The following ANKRD18B variants were observed in gnomAD, a reference collection of about 807,000 sequenced individuals.
ANKRD18B encodes the protein ankyrin repeat domain 18B.
Under a neutral mutation model 111.8 loss-of-function variants are expected in ANKRD18B, and 75 were observed. That is an observed-to-expected ratio of 0.67 (90% CI 0.56 to 0.81). The LOEUF (loss-of-function observed/expected upper bound fraction) is 0.81, where lower values mean the gene tolerates loss of function less well. Among genes scored for constraint, ANKRD18B ranks in the 40% least tolerant of loss-of-function variants. ANKRD18B has a pLI of 0.00. For synonymous variants in ANKRD18B, 356 were observed against 417.3 expected (o/e 0.85, Z 1.79); for missense variants, 1,038 against 1,225.5 (o/e 0.85, Z 2.28).
At chr9:33,545,234 G>A (rs1456790847) in intron 10 of ANKRD18B, among the ~76,000 whole-genome samples, 1 of 152,162 alleles carries the variant, frequency 6.6e-6, no homozygotes. Flanking sequence ...AAAGAGAATT[G>A]TTGTAATGAT....
Position 33,572,299 on chromosome 9 carries a change from T to G in ANKRD18B, c.3224-17T>G. Reference sequence around the variant, plus strand: ...ATGTTTTAGGTAAAGAACATAATCCTTTCTTTTTCTTTCCAGCTTTTGCTG... The same window carrying G: ...ATGTTTTAGGTAAAGAACATAATCCGTTCTTTTTCTTTCCAGCTTTTGCTG... On this transcript the variant is annotated splice_polypyrimidine_tract_variant and intron_variant, in intron 18 of 18. Coordinates refer to ENST00000684830, the MANE Select transcript of ANKRD18B (RefSeq NM_001393611.1). The G allele has an allele frequency of 1.3e-6, 2 of 1,588,378 alleles. No individual in the cohort carries two copies. Among genetic ancestry groups the G allele is most frequent in the Non-Finnish European group, 1.7e-6 (2 of 1,159,074 alleles).
chr9:33,527,483 A>T (rs1251934288), intron 1 of ANKRD18B, among the ~76,000 whole-genome samples: 3 of 152,004 alleles, frequency 2.0e-5, no homozygotes, highest in Admixed American at 1.3e-4. Context: ...CACCACGCCC[A>T]GCTAATTTTT....
intron 1 of ANKRD18B, among the ~76,000 whole-genome samples, chr9:33,526,659 G>T (rs565500826): frequency 2.0e-5 from 3 of 152,186 alleles, no homozygotes; most frequent in African/African-American, 7.2e-5. Flanking sequence ...TATCATTATT[G>T]TGAGGGTTGT....
chr9:33,547,012 C>A (rs867509381), intron 10 of ANKRD18B, among the ~76,000 whole-genome samples: 1 of 151,870 alleles, frequency 6.6e-6, no homozygotes, highest in African/African-American at 2.4e-5. Context: ...ATCCCAGGAA[C>A]CAAATGAAAA....
At chr9:33,535,325 G>T (rs151029589) in intron 5 of ANKRD18B, among the ~76,000 whole-genome samples, 1 of 151,684 alleles carries the variant, frequency 6.6e-6, no homozygotes. Context: ...TTGCTCAGTC[G>T]CCCAGGCTGG....
At chr9:33,569,888 G>A (rs1253645780) in intron 17 of ANKRD18B, among the ~76,000 whole-genome samples, 1 of 152,072 alleles carries the variant, frequency 6.6e-6, no homozygotes, top group Non-Finnish European at 1.5e-5. Flanking sequence ...ACAAAAATTA[G>A]CCAGGTGTTG....
intron 15 of ANKRD18B, chr9:33,566,851 G>A: frequency 4.6e-6 from 2 of 433,028 alleles, no homozygotes; most frequent in Non-Finnish European, 8.0e-6. Context: ...ATTATAAATG[G>A]ATTCTATTAC....
Position 33,541,181 on chromosome 9 carries a change from A to C in ANKRD18B, c.1032A>C (p.Lys344Asn), listed in dbSNP as rs1363366829. ...TAAMKPENLKKRKKRKKLKKR... is the reference protein window; with the variant it reads ...TAAMKPENLKNRKKRKKLKKR... ...CTATGAAGCCTGAAAATTTGAAAAAAAGAAAAAAAAGAAAAAAATTGAAAA... is the reference window on the plus strand; with the variant it reads ...CTATGAAGCCTGAAAATTTGAAAAACAGAAAAAAAAGAAAAAAATTGAAAA... The change falls in exon 9 of 19, where the codon AAA becomes AAC. Residue 344 changes from lysine to asparagine, a missense_variant. Transcript: ENST00000684830. 8 of 1,543,524 alleles carry C rather than the reference A, an allele frequency of 5.2e-6. No homozygotes were observed. Among genetic ancestry groups the C allele is most frequent in the Non-Finnish European group, 7.0e-6 (8 of 1,143,926 alleles).
chr9:33,544,270 TA>T (rs1340206416), intron 10 of ANKRD18B, among the ~76,000 whole-genome samples: 9 of 152,230 alleles, frequency 5.9e-5, no homozygotes, highest in Non-Finnish European at 1.0e-4. Context: ...AAATTATTTT[TA>T]CTTCTTAGTT....
intron 14 of ANKRD18B, among the ~76,000 whole-genome samples, chr9:33,562,541 G>T (rs1828622169): frequency 6.6e-6 from 1 of 151,924 alleles, no homozygotes; most frequent in South Asian, 2.1e-4. Context: ...TTTTAGGAGT[G>T]CAGCACTTAA....
intron 13 of ANKRD18B, among the ~76,000 whole-genome samples, chr9:33,556,286 CAG>C (rs1467262519): frequency 6.6e-6 from 1 of 151,950 alleles, no homozygotes; most frequent in Non-Finnish European, 1.5e-5. Flanking sequence ...TCTTTTGAGA[CAG>C]AGTCTGGCTC....
At chr9:33,535,389 T>C (rs996527823) in intron 5 of ANKRD18B, among the ~76,000 whole-genome samples, 15 of 151,962 alleles carry the variant, frequency 9.9e-5, no homozygotes, top group Non-Finnish European at 1.6e-4. Context: ...GGGTTCACGC[T>C]ATTCTCCTGC....
intron 17 of ANKRD18B, 79 bp downstream of exon 17, chr9:33,568,972 T>C: frequency 7.7e-7 from 1 of 1,301,390 alleles, no homozygotes; most frequent in Admixed American, 2.9e-5. Context: ...AAATACTGAG[T>C]TGTTCTGTTG....
intron 1 of ANKRD18B, among the ~76,000 whole-genome samples, chr9:33,526,643 AT>A (rs1433354629): frequency 1.3e-5 from 2 of 151,992 alleles, no homozygotes; most frequent in African/African-American, 4.8e-5. Context: ...ATTTCTCACT[AT>A]TTTTTATCAT....
intron 1 of ANKRD18B, among the ~76,000 whole-genome samples, chr9:33,527,579 C>A (rs1266990852): frequency 6.6e-6 from 1 of 152,204 alleles, no homozygotes; most frequent in Non-Finnish European, 1.5e-5. Flanking sequence ...CTTGGCCTCC[C>A]AAAATGCTGG....
In ANKRD18B at chr9:33,572,814, A is replaced by C; in HGVS notation, c.*380A>C. ...TGTTATGATTTTCTTTTTGTAGTTC[A>C]ATAGTATTTTGTGTGGAGATACTTT... On this transcript the variant is annotated 3_prime_UTR_variant, in exon 19 of 19. Coordinates refer to ENST00000684830, the MANE Select transcript of ANKRD18B (RefSeq NM_001393611.1). The C allele has an allele frequency of 1.1e-6, 1 of 878,978 alleles. No homozygotes were observed. The highest frequency in any genetic ancestry group is 1.4e-6 in the Non-Finnish European group (1 of 729,248). 54.4% of individuals were successfully genotyped at this position (878,978 alleles called of 1,614,324 possible).
At chr9:33,567,442 G>C (rs1290171469) in intron 16 of ANKRD18B, 128 bp downstream of exon 16, 1 of 769,612 alleles carries the variant, frequency 1.3e-6, no homozygotes, top group African/African-American at 1.8e-5. Context: ...TGTAATTTTG[G>C]AAAATAATGT....
At chr9:33,538,104 T>A (rs1007704477) in intron 6 of ANKRD18B, among the ~76,000 whole-genome samples, 3 of 152,168 alleles carry the variant, frequency 2.0e-5, no homozygotes, top group Non-Finnish European at 2.9e-5. Context: ...ACACAGGAAT[T>A]TGTGTCACTA....
At chr9:33,533,323 C>A in intron 3 of ANKRD18B, 116 bp from the exon 4 acceptor site, 1 of 1,480,402 alleles carries the variant, frequency 6.8e-7, no homozygotes, top group Non-Finnish European at 8.9e-7. Flanking sequence ...GACTGCTTTG[C>A]ATTTACTTTC....
Sources: allele counts gnomAD v4.1 joint callset (sites outside exome capture counted in the v4.1 genomes callset), GRCh38; gene constraint gnomAD v4.1.1; transcripts MANE v1.5; gene names NCBI Gene and HGNC (gene_info 2026-07-23, HGNC 2026-07-21).